Variants in OPLAH observed in about 807,000 individuals in gnomAD.
OPLAH encodes the protein 5-oxoprolinase, ATP-hydrolysing, also known as 5-oxoprolinase.
Under a neutral mutation model 122.8 loss-of-function variants are expected in OPLAH, and 103 were observed. The observed-to-expected ratio is 0.84, with a 90% CI of 0.71 to 0.99. The LOEUF (loss-of-function observed/expected upper bound fraction) is 0.99, where lower values mean the gene tolerates loss of function less well. Among genes scored for constraint, OPLAH ranks in the 50% least tolerant of loss-of-function variants. OPLAH has a pLI of 0.00. For missense variants in OPLAH, 1,902 were observed against 1,836.5 expected (o/e 1.04, Z -0.65); for synonymous variants, 875 against 796.0 (o/e 1.10, Z -1.67).
chr8:144,054,610 G>C lies in OPLAH; in HGVS notation c.2637C>G (p.Ala879=), dbSNP rs782253294. ...PHSTMLQQEG[A]VFLSFKLVQG... is the part of the protein sequence containing the mutation. ...GGACAAGTTTGAAGGACAGAAAGAC[G>C]GCACCCTCCTGTTGCAGCATGGTGG... The change falls in exon 19 of 27, where the codon GCC becomes GCG. Residue 879 remains alanine (A), a synonymous_variant. Coordinates refer to ENST00000618853, the MANE Select transcript of OPLAH (RefSeq NM_017570.5). The C allele has an allele frequency of 6.2e-7, 1 of 1,606,678 alleles. No individual in the cohort carries two copies. The highest frequency in any genetic ancestry group is 8.5e-7 in the Non-Finnish European group (1 of 1,174,910).
chr8:144,063,412 G>A (rs1835694696), upstream of OPLAH, among the ~76,000 whole-genome samples: 2 of 152,238 alleles, frequency 1.3e-5, no homozygotes, highest in African/African-American at 4.8e-5. The surrounding 1 kb of genome is among the most constrained non-coding windows in gnomAD (Gnocchi z 4.2). Flanking sequence ...AGGGCTGGGA[G>A]GACAGAGTCT....
upstream of OPLAH, among the ~76,000 whole-genome samples, chr8:144,061,252 T>C (rs1835658153): frequency 6.6e-6 from 1 of 152,196 alleles, no homozygotes; most frequent in African/African-American, 2.4e-5. Context: ...GGACGATTAA[T>C]GCATTCTAAG....
At chr8:144,063,115 A>G (rs1835689660), upstream of OPLAH, among the ~76,000 whole-genome samples, 1 of 152,000 alleles carries the variant, frequency 6.6e-6, no homozygotes, top group Non-Finnish European at 1.5e-5. This position sits in a 1 kb window ranked among gnomAD's most constrained non-coding sequence, Gnocchi z 4.2. Context: ...AGGCAGCTCC[A>G]GGCCTGCGGG....
Position 144,059,646 on chromosome 8 carries a change from C to G in OPLAH, c.316G>C (p.Asp106His). The change falls in exon 3 of 27, where the codon GAC becomes CAC. Residue 106 changes from aspartate (D) to histidine (H), a missense_variant. Physicochemically the swap from Asp to His is moderately conservative, Grantham distance 81 (BLOSUM62 -1). Coordinates refer to ENST00000618853, the MANE Select transcript of OPLAH (RefSeq NM_017570.5). ...GCTTGGGTGCCAATGTGCAGCAGGT[C>G]TCGGAAGCCACGTGTCACCAGCAGC... ...VALLVTRGFR[D>H]LLHIGTQARG... 1 of 1,612,324 alleles carries G rather than the reference C, an allele frequency of 6.2e-7. No individual in the cohort carries two copies. Among genetic ancestry groups the G allele is most frequent in the Non-Finnish European group, 8.5e-7 (1 of 1,179,570 alleles).
chr8:144,050,780 C>T (rs1371041999), downstream of OPLAH: 9 of 986,544 alleles, frequency 9.1e-6, no homozygotes, highest in African/African-American at 5.2e-5. Flanking sequence ...TGCCGCCCTC[C>T]CCCGGATCCC....
rs968554757 is a variant in OPLAH at position 144,055,816 on chromosome 8, G to T, written c.2220C>A (p.Ile740=). The T allele has an allele frequency of 3.8e-6, 6 of 1,561,482 alleles. No homozygotes were observed. The South Asian group carries it at 5.9e-5, about 15-fold the overall frequency. The part of the protein sequence containing the change: ...GPQLDPIQLS[I]FSHRFMSIAE... ...CAATGCTCATGAAGCGGTGTGAGAAGATGGACAGCTGGATAGGGTCCAGCT... is the reference window on the plus strand; with the variant it reads ...CAATGCTCATGAAGCGGTGTGAGAATATGGACAGCTGGATAGGGTCCAGCT... The change falls in exon 16 of 27, where the codon ATC becomes ATA. Residue 740 remains isoleucine (I), a synonymous_variant. Coordinates refer to ENST00000618853, the MANE Select transcript of OPLAH (RefSeq NM_017570.5). The surrounding 1 kb of genome is among the most constrained non-coding windows in gnomAD (Gnocchi z 6.5).
At chr8:144,060,175 G>T in intron 1 of OPLAH, 90 bp from the exon 2 acceptor site, 1 of 928,906 alleles carries the variant, frequency 1.1e-6, no homozygotes, top group Non-Finnish European at 1.6e-6. Flanking sequence ...CTGAGGGAGA[G>T]ACCCACGGGC....
In OPLAH at chr8:144,056,539, G is replaced by A; in HGVS notation, c.1845-16C>T. 1 of 1,612,194 alleles carries A rather than the reference G, an allele frequency of 6.2e-7. No homozygotes were observed. Among genetic ancestry groups the A allele is most frequent in the Non-Finnish European group, 8.5e-7 (1 of 1,179,674 alleles). On this transcript the variant is annotated splice_polypyrimidine_tract_variant and intron_variant, in intron 13 of 26. Transcript: ENST00000618853. ...CCTCATGTACCTGCACTCCCCGCGG[G>A]GACCCAAGGAGTGGTCAGAGTGAGG... is the stretch of plus-strand genomic sequence containing the variant.
chr8:144,052,683 G>A (rs992380758), intron 22 of OPLAH, 83 bp downstream of exon 22: 1 of 1,538,026 alleles, frequency 6.5e-7, no homozygotes, highest in Non-Finnish European at 8.8e-7. Flanking sequence ...GCACCCGTGG[G>A]GTCAGACCGT....
rs377119053 is a variant in OPLAH at position 144,058,125 on chromosome 8, A to G, written c.973T>C (p.Tyr325His). 3 of 1,612,296 alleles carry G rather than the reference A, an allele frequency of 1.9e-6. No homozygotes were observed. The highest frequency in any genetic ancestry group is 2.5e-6 in the Non-Finnish European group (3 of 1,179,790). ...MGGTSTDVSR[Y>H]AGEFEHVFEA... ...AAGACGTGCTCGAATTCCCCAGCAT[A>G]GCGGCTCACATCCGTGGACGTGCCT... Residue 325 changes from tyrosine (Y) to histidine (H), a missense_variant, in exon 8 of 27, where the codon TAT becomes CAT. By Grantham distance (83) the Tyr-to-His change is moderately conservative. Transcript: ENST00000618853.
chr8:144,056,098 C>A (rs2129795276), intron 15 of OPLAH, 49 bp downstream of exon 15: 1 of 1,563,996 alleles, frequency 6.4e-7, no homozygotes, highest in Non-Finnish European at 8.7e-7. Context: ...ACCAGGGGCC[C>A]CGCAGTGGAC....
chr8:144,059,142 G>A, intron 3 of OPLAH, 63 bp from the exon 4 acceptor site: 1 of 1,332,632 alleles, frequency 7.5e-7, no homozygotes, highest in Admixed American at 2.0e-5. Context: ...GGTCCTGTGT[G>A]AGTGGGTGGT....
At chr8:144,052,357 C>G (rs1290497663) in intron 23 of OPLAH, 31 bp from the exon 24 acceptor site, 19 of 1,511,174 alleles carry the variant, frequency 1.3e-5, no homozygotes, top group Non-Finnish European at 1.6e-5. Flanking sequence ...CTGCGCTGGG[C>G]TGGGGCAGGG....
chr8:144,060,461 C>A (rs1468328587), intron 1 of OPLAH, among the ~76,000 whole-genome samples, 192 bp downstream of exon 1: 2 of 152,224 alleles, frequency 1.3e-5, no homozygotes, highest in Non-Finnish European at 2.9e-5. Flanking sequence ...CCCCACTTCC[C>A]GCTTTGCTCG....
At chr8:144,058,446 G>A (rs782604750) in intron 6 of OPLAH, 42 bp from the exon 7 acceptor site, 1 of 1,577,720 alleles carries the variant, frequency 6.3e-7, no homozygotes, top group Non-Finnish European at 8.6e-7. Context: ...GCAGGCCAAG[G>A]CCCAGGCCCA....
At position 144,056,449 on chromosome 8, in the gene OPLAH, C is replaced by T; in HGVS notation, c.1919G>A (p.Gly640Asp). The T allele has an allele frequency of 6.2e-7, 1 of 1,610,722 alleles. No individual in the cohort carries two copies. Among genetic ancestry groups the T allele is most frequent in the African/African-American group, 1.3e-5 (1 of 75,006 alleles). ...VVDDVRVRGT[G>D]RSGLRLEDAP... The stretch of plus-strand genomic sequence containing the variant: ...ATCCTCGAGGCGAAGACCACTGCGG[C>T]CGGTGCCCCGCACTCGCACATCGTC... The change falls in exon 14 of 27, where the codon GGC becomes GAC. Residue 640 changes from glycine (G) to aspartate (D), a missense_variant. Gly to Asp is a moderately conservative substitution (Grantham distance 94, BLOSUM62 -1). Transcript: ENST00000618853.
In OPLAH at chr8:144,059,125, A is replaced by G; in HGVS notation, c.364-46T>C. On this transcript the variant is annotated intron_variant, in intron 3 of 26. Transcript: ENST00000618853. ...AGAAGAGGCCCAGGCCTGAGGGTCC[A>G]GGCCGGGGTCCTGTGTGAGTGGGTG... 3 of 1,471,840 alleles carry G rather than the reference A, an allele frequency of 2.0e-6. No homozygotes were observed. The South Asian group carries it at 3.6e-5, about 18-fold the overall frequency. 91.2% of individuals were successfully genotyped at this position (1,471,840 alleles called of 1,614,324 possible).
chr8:144,054,469 G>C (rs1361779028), intron 19 of OPLAH, 92 bp downstream of exon 19: 1 of 1,361,876 alleles, frequency 7.3e-7, no homozygotes, highest in Non-Finnish European at 9.9e-7. Flanking sequence ...TGGGCCTATG[G>C]GCTGCATCCC....
intron 1 of OPLAH, among the ~76,000 whole-genome samples, chr8:144,060,292 C>A (rs1306908714): frequency 2.0e-5 from 3 of 152,242 alleles, no homozygotes; most frequent in African/African-American, 7.2e-5. Flanking sequence ...TGCCCAGCAT[C>A]GCGCTTCTCC....
Sources: allele counts gnomAD v4.1 joint callset (sites outside exome capture counted in the v4.1 genomes callset), GRCh38; gene constraint gnomAD v4.1.1; non-coding constraint Gnocchi (gnomAD v3.1); transcripts MANE v1.5; gene names NCBI Gene and HGNC (gene_info 2026-07-23, HGNC 2026-07-21).